Variants in RALGDS observed in about 807,000 individuals in gnomAD.
The protein encoded by RALGDS is ral guanine nucleotide dissociation stimulator.
A neutral mutation model predicts 99.8 loss-of-function variants in RALGDS; 44 were observed. The ratio of observed to expected loss-of-function variants is 0.44; its 90% CI spans 0.35 to 0.57. RALGDS has a LOEUF of 0.57. Ranked by LOEUF, RALGDS falls within the 20% of genes least tolerant of loss-of-function variation. The probability of loss-of-function intolerance (pLI) is 0.01; values close to 1 mark genes in which losing one functional copy is unlikely to be tolerated. For missense variants in RALGDS, 1,022 were observed against 1,203.1 expected, an observed-to-expected ratio of 0.85 and a Z score of 2.23; for synonymous variants, 529 against 505.0, an observed-to-expected ratio of 1.05 and a Z score of -0.64.
At chr9:133,125,576 A>G (rs1832125401), upstream of RALGDS, among the ~76,000 whole-genome samples, 2 of 152,150 alleles carry the variant, frequency 1.3e-5, no homozygotes, top group Admixed American at 6.5e-5. Flanking sequence ...TCTACTAAAA[A>G]TACAAAAAAA....
chr9:133,145,034 A>G (rs995793050), intron 1 of RALGDS, among the ~76,000 whole-genome samples: 1 of 152,208 alleles, frequency 6.6e-6, no homozygotes, highest in African/African-American at 2.4e-5. Context: ...TGCCAAGGAA[A>G]CTGGCAGCCA....
rs1006068619 is a variant in RALGDS at position 133,108,330 on chromosome 9, T to C, written c.855A>G (p.Pro285=). Residue 285 remains proline, a synonymous_variant, in exon 6 of 18, where the codon CCA becomes CCG. Coordinates refer to ENST00000372050, the MANE Select transcript of RALGDS (RefSeq NM_006266.4). ...LALTPARAPS[P]VPAPAPEPEP... is the part of the protein sequence containing the mutation. The stretch of plus-strand genomic sequence containing the variant: ...CTGGCTCCGGGGCTGGAGCCGGCAC[T>C]GGGCTGGGTGCTCGAGCTGGTGTTA... The C allele has an allele frequency of 1.9e-6, 3 of 1,543,372 alleles. No individual in the cohort carries two copies. Among genetic ancestry groups the C allele is most frequent in the African/African-American group, 2.7e-5 (2 of 73,162 alleles).
intron 1 of RALGDS, among the ~76,000 whole-genome samples, chr9:133,137,473 G>A (rs571279444): frequency 1.3e-5 from 2 of 152,354 alleles, no homozygotes; most frequent in African/African-American, 4.8e-5. Context: ...TGGAAGAGGT[G>A]ATGAGGCTGG....
At chr9:133,130,358 C>G (rs921096968) in intron 1 of RALGDS, among the ~76,000 whole-genome samples, 30 of 152,210 alleles carry the variant, frequency 2.0e-4, no homozygotes, top group African/African-American at 7.0e-4. Context: ...AGGTGATCCA[C>G]CTGCCTTGGC....
At chr9:133,131,192 T>C (rs1231615651), upstream of RALGDS, 3 of 1,240,894 alleles carry the variant, frequency 2.4e-6, no homozygotes, top group African/African-American at 5.0e-5. Context: ...TTGTGGGCCT[T>C]AGGGGACCCA....
At chr9:133,098,851 T>C (rs1830615264) in intron 17 of RALGDS, 89 bp from the exon 18 acceptor site, 3 of 1,368,164 alleles carry the variant, frequency 2.2e-6, no homozygotes, top group Admixed American at 3.5e-5. Context: ...ACAAGGACTG[T>C]CTTGAGCCAC....
At chr9:133,123,709 C>T (rs1173881558), upstream of RALGDS, among the ~76,000 whole-genome samples, 2 of 142,828 alleles carry the variant, frequency 1.4e-5, no homozygotes, top group African/African-American at 5.0e-5. Flanking sequence ...CAAAGATACA[C>T]AGAGATGCAC....
upstream of RALGDS, among the ~76,000 whole-genome samples, chr9:133,134,290 G>T (rs1384237202): frequency 1.3e-5 from 2 of 152,208 alleles, no homozygotes; most frequent in Non-Finnish European, 2.9e-5. Context: ...ACCTGTCACT[G>T]TGCAGCCCAG....
chr9:133,117,026 G>A (rs7032776), intron 1 of RALGDS, among the ~76,000 whole-genome samples: 5,636 of 152,314 alleles, frequency 0.037, 353 homozygotes, highest in African/African-American at 0.13. Flanking sequence ...GTTTGTGGAC[G>A]TGCCCTGGGC....
chr9:133,140,668 C>T (rs557827113), intron 1 of RALGDS, among the ~76,000 whole-genome samples: 6 of 145,174 alleles, frequency 4.1e-5, no homozygotes, highest in South Asian at 4.5e-4. Flanking sequence ...GGGAGGCCAA[C>T]GTGGGGGAGG....
chr9:133,108,962 G>T lies in RALGDS; in HGVS notation c.585-96C>A, dbSNP rs1332376617. ...GCCCCTGTCCATCTGAAGGCCACCTGCCCCGGCCCAAGCCCCCTTGGCTGT... is the reference window on the plus strand; with the variant it reads ...GCCCCTGTCCATCTGAAGGCCACCTTCCCCGGCCCAAGCCCCCTTGGCTGT... On this transcript the variant is annotated intron_variant, in intron 4 of 17. Transcript: ENST00000372050. The T allele has an allele frequency of 6.4e-6, 8 of 1,249,458 alleles. No homozygotes were observed. In the African/African-American group the frequency reaches 9.0e-5, roughly 14 times the overall value. The allele number at this position is 1,249,458 out of a possible 1,614,324, so 77.4% of individuals were successfully genotyped here. A position where few individuals can be genotyped will look rare whatever the true frequency, so the allele number is the denominator to read the frequency against.
Position 133,102,031 on chromosome 9 carries a change from C to T in RALGDS, c.2118G>A (p.Ala706=), listed in dbSNP as rs780888252. 38 of 1,555,532 alleles carry T rather than the reference C, an allele frequency of 2.4e-5. No homozygotes were observed. The highest frequency in any genetic ancestry group is 9.7e-5 in the Admixed American group (5 of 51,370). The change falls in exon 15 of 18, where the codon GCG becomes GCA. Residue 706 remains alanine, a synonymous_variant. Transcript: ENST00000372050. ...AGGAGCCGGCCGAGTGCACGCTGAG[C>T]GCGTCAGCGATGTCCCCGCTGCTGA... The part of the protein sequence containing the change: ...PYLSSGDIAD[A]LSVHSAGSSS...
Position 133,102,894 on chromosome 9 carries a change from C to G in RALGDS, c.1798G>C (p.Glu600Gln). 6.2e-7 allele frequency: 1 copy of G among 1,613,274 alleles called. No individual in the cohort carries two copies. The highest frequency in any genetic ancestry group is 8.5e-7 in the Non-Finnish European group (1 of 1,179,956). ...AGCAGCTTGATCTGGGCGATCACCT[C>G]GAACTCCTGGGGCCAGAGGGAAGCA... ...INFEKRRKEF[E>Q]VIAQIKLLQS... Residue 600 changes from glutamate (E) to glutamine (Q), a missense_variant, in exon 13 of 18, where the codon GAG becomes CAG. Glu to Gln is a conservative substitution (Grantham distance 29). This residue lies in a region of RALGDS where 825 missense variants were observed against 994.5 expected (regional missense o/e 0.83). Transcript: ENST00000372050.
intron 4 of RALGDS, among the ~76,000 whole-genome samples, chr9:133,109,335 C>A (rs1831225964): frequency 6.6e-6 from 1 of 152,200 alleles, no homozygotes; most frequent in African/African-American, 2.4e-5. Context: ...TTGCCAGGGG[C>A]CCCTAGATCA....
chr9:133,100,685 G>C, intron 16 of RALGDS: 1 of 1,267,940 alleles, frequency 7.9e-7, no homozygotes, highest in Non-Finnish European at 1.0e-6. Context: ...AGAAGCACTT[G>C]CCCCTCCAGG....
chr9:133,125,520 G>A (rs1344470780), upstream of RALGDS, among the ~76,000 whole-genome samples: 2 of 152,184 alleles, frequency 1.3e-5, no homozygotes, highest in African/African-American at 4.8e-5. Flanking sequence ...GATCACTTGA[G>A]GTCAGGAGTT....
At chr9:133,142,651 C>T (rs542318102) in intron 1 of RALGDS, among the ~76,000 whole-genome samples, 6 of 152,314 alleles carry the variant, frequency 3.9e-5, no homozygotes, top group East Asian at 3.9e-4. Flanking sequence ...GCCCACATAC[C>T]CCTGGCCCTA....
At chr9:133,122,136 C>T (rs1831974692), upstream of RALGDS, among the ~76,000 whole-genome samples, 1 of 152,178 alleles carries the variant, frequency 6.6e-6, no homozygotes, top group Admixed American at 6.5e-5. Flanking sequence ...CTTGGACATC[C>T]CTGGTCTCAG....
intron 5 of RALGDS, 131 bp downstream of exon 5, chr9:133,108,542 G>A (rs748791305): frequency 2.1e-5 from 30 of 1,412,156 alleles, no homozygotes; most frequent in African/African-American, 2.9e-5. Context: ...CCTGCCTGTG[G>A]TCCCTGCCTG....
Sources: gnomAD v4.1 joint callset for allele counts (sites outside exome capture counted in the v4.1 genomes callset) on GRCh38, gnomAD v4.1.1 for gene constraint, gnomAD v4.1.1 regional missense constraint, MANE v1.5 for transcripts, NCBI Gene and HGNC (gene_info 2026-07-23, HGNC 2026-07-21) for gene names.